PKP3: variants seen among roughly 807,000 people sequenced by gnomAD.
PKP3 encodes plakophilin-3.
In PKP3, 66 loss-of-function variants were observed where a neutral mutation model predicts 76.5. The observed-to-expected ratio is 0.86, with a 90% CI of 0.71 to 1.06. PKP3 has a LOEUF of 1.06. PKP3 is among the 50% of genes least tolerant of loss of function. The pLI is 0.00. For missense variants in PKP3, 1,338 were observed against 1,141.0 expected (o/e 1.17, Z -2.49); for synonymous variants, 638 against 516.5 (o/e 1.24, Z -3.19).
At chr11:396,783 C>A (rs1590352631) in intron 2 of PKP3, 31 bp from the exon 3 acceptor site, 4 of 1,566,760 alleles carry the variant, frequency 2.6e-6, no homozygotes, top group Non-Finnish European at 2.6e-6. Flanking sequence ...TGAGCCCAGG[C>A]ACGCCCTCAC....
chr11:394,265 C>T lies in PKP3; in HGVS notation c.-28C>T, dbSNP rs1847012838. On this transcript the variant is annotated 5_prime_UTR_variant, in exon 1 of 13. Transcript: ENST00000331563. The stretch of plus-strand genomic sequence containing the variant: ...GATAGTTGGGTTTGGAGGCGGCCGC[C>T]AGGCCCAGGCCCGGTGGACCTGCCG... The T allele has an allele frequency of 1.4e-6, 2 of 1,471,104 alleles. No individual in the cohort carries two copies. Among genetic ancestry groups the T allele is most frequent in the Non-Finnish European group, 1.8e-6 (2 of 1,117,836 alleles). The allele number at this position is 1,471,104 out of a possible 1,614,324, so 91.1% of individuals were successfully genotyped here.
At chr11:399,838 G>A in intron 5 of PKP3, 129 bp from the exon 6 acceptor site, 2 of 731,894 alleles carry the variant, frequency 2.7e-6, no homozygotes, top group Non-Finnish European at 4.5e-6. Flanking sequence ...TCTCCCCAGT[G>A]GGGCTCGTGG....
In PKP3 at chr11:400,697, C is replaced by G. The variant is rs975637822; in HGVS notation, c.1729C>G (p.Leu577Val). 22 of 1,268,156 alleles carry G rather than the reference C, an allele frequency of 1.7e-5. No individual in the cohort carries two copies. In the African/African-American group the frequency reaches 3.5e-4, roughly 20 times the overall value. 78.6% of individuals were successfully genotyped at this position (1,268,156 alleles called of 1,614,324 possible). A position where few individuals can be genotyped will look rare whatever the true frequency, so the allele number is the denominator to read the frequency against. The stretch of plus-strand genomic sequence containing the variant: ...CTGCTTCACGCCGCAGAGCCGGCGG[C>G]TGCGCGAGGTGGGCACCAGCCTGAG... ...VGCFTPQSRRLRELPLAADAL... is the reference protein window; with the variant it reads ...VGCFTPQSRRVRELPLAADAL... The change falls in exon 8 of 13, where the codon CTG becomes GTG. Residue 577 changes from leucine to valine, a missense_variant. Transcript: ENST00000331563.
At chr11:397,775 G>A (rs1324068556) in intron 4 of PKP3, 113 bp downstream of exon 4, 3 of 1,070,442 alleles carry the variant, frequency 2.8e-6, no homozygotes, top group Non-Finnish European at 4.0e-6. Flanking sequence ...AAGCTGACTG[G>A]GTAGACCCCA....
At position 404,037 on chromosome 11, in the gene PKP3, GCTCAACAAC is replaced by G; in HGVS notation, c.2175_2183del (p.Asn726_Leu728del). On this transcript the variant is annotated inframe_deletion, in exon 11 of 13. Transcript: ENST00000331563. The surrounding 1 kb of genome is among the most constrained non-coding windows in gnomAD (Gnocchi z 4.2). The stretch of plus-strand genomic sequence containing the variant: ...AGGTGCTGGTCAACATCATAGCTGT[GCTCAACAAC>G]CTGGTGGTGGCCAGCCCCATCGCTG... 6.2e-7 allele frequency: 1 copy of G among 1,612,586 alleles called. No individual in the cohort carries two copies.
rs545630545 is a variant in PKP3, at chr11:397,150, C to T, written c.649C>T (p.Arg217Cys). Residue 217 changes from arginine to cysteine, a missense_variant, in exon 3 of 13, where the codon CGC becomes TGC. Physicochemically the swap from Arg to Cys is radical, Grantham distance 180. Coordinates refer to ENST00000331563, the MANE Select transcript of PKP3 (RefSeq NM_007183.4). ...CACCTACAGGGCCTTTGCGTACGAGCGCCAGGCCAGCTCCAGCTCCAGCCG... is the reference window on the plus strand; with the variant it reads ...CACCTACAGGGCCTTTGCGTACGAGTGCCAGGCCAGCTCCAGCTCCAGCCG... Reference protein sequence around the residue: ...TSTYRAFAYERQASSSSSRAG... With the variant: ...TSTYRAFAYECQASSSSSRAG... 312 of 1,597,876 alleles carry T rather than the reference C, an allele frequency of 2.0e-4. 2 individuals carry two copies. The South Asian group carries it at 2.9e-3, about 15-fold the overall frequency.
chr11:395,380 A>G (rs1446033712), intron 1 of PKP3, among the ~76,000 whole-genome samples: 1 of 152,146 alleles, frequency 6.6e-6, no homozygotes, highest in Non-Finnish European at 1.5e-5. Context: ...GCCAGGGGGA[A>G]GTGAAGGTCG....
intron 9 of PKP3, 40 bp from the exon 10 acceptor site, chr11:403,578 G>C (rs1847195182): frequency 6.3e-7 from 1 of 1,590,190 alleles, no homozygotes; most frequent in Non-Finnish European, 8.5e-7. Context: ...GTGAGGGTCT[G>C]AGGCCTCCGG....
In PKP3 at chr11:397,306, G is replaced by C. The variant is rs751794832; in HGVS notation, c.805G>C (p.Gly269Arg). Residue 269 changes from glycine (G) to arginine (R), a missense_variant, in exon 3 of 13, where the codon GGG becomes CGG. Coordinates refer to ENST00000331563, the MANE Select transcript of PKP3 (RefSeq NM_007183.4). ...CCGCGGGGTAGGCGGGGCAGTGCCG[G>C]GGGCCGTCCTGGAGCCAGTGGCTCG... The part of the protein sequence containing the change: ...RSRGVGGAVP[G>R]AVLEPVARAP... The C allele has an allele frequency of 6.3e-7, 1 of 1,591,424 alleles. No homozygotes were observed. The highest frequency in any genetic ancestry group is 1.3e-5 in the African/African-American group (1 of 74,624).
In PKP3 at chr11:397,054, C is replaced by G. The variant is rs151265573; in HGVS notation, c.553C>G (p.Arg185Gly). ...TGACACACTCTCCCTGCGCTCGCTG[C>G]GGCTGGGGCCCGGGGGCCTGGACGA... ...DYDTLSLRSL[R>G]LGPGGLDDRY... The change falls in exon 3 of 13, where the codon CGG becomes GGG. Residue 185 changes from arginine (R) to glycine (G), a missense_variant. Coordinates refer to ENST00000331563, the MANE Select transcript of PKP3 (RefSeq NM_007183.4). The G allele has an allele frequency of 6.3e-7, 1 of 1,599,160 alleles. No homozygotes were observed. The highest frequency in any genetic ancestry group is 1.1e-5 in the South Asian group (1 of 91,050).
Position 399,007 on chromosome 11 carries a change from G to A in PKP3, c.1084G>A (p.Ala362Thr), listed in dbSNP as rs1466514391. Residue 362 changes from alanine (A) to threonine (T), a missense_variant, in exon 5 of 13, where the codon GCC (alanine) becomes ACC (threonine). By Grantham distance (58) the Ala-to-Thr change is moderately conservative. Transcript: ENST00000331563. ...GTGCCCGCAGGCCCGCAGCCTTCAG[G>A]CCGTGCCTAGGCTGGTGAAGCTCTT... ...AAKKQARSLQAVPRLVKLFNH... is the reference protein window; with the variant it reads ...AAKKQARSLQTVPRLVKLFNH... 1 of 1,588,136 alleles carries A rather than the reference G, an allele frequency of 6.3e-7. No homozygotes were observed. Among genetic ancestry groups the A allele is most frequent in the South Asian group, 1.1e-5 (1 of 88,320 alleles).
Position 397,111 on chromosome 11 carries a change from C to A in PKP3, c.610C>A (p.Pro204Thr), listed in dbSNP as rs1197481920. The change falls in exon 3 of 13, where the codon CCC becomes ACC. Residue 204 changes from proline (P) to threonine (T), a missense_variant. By Grantham distance (38) the Pro-to-Thr change is conservative. Transcript: ENST00000331563. Reference protein sequence around the residue: ...RYSLVSEQLEPAATSTYRAFA... With the variant: ...RYSLVSEQLETAATSTYRAFA... ...CAGCCTGGTGTCTGAGCAGCTGGAG[C>A]CCGCGGCCACCTCCACCTACAGGGC... The A allele has an allele frequency of 1.9e-6, 3 of 1,597,828 alleles. No homozygotes were observed. The highest frequency in any genetic ancestry group is 2.5e-6 in the Non-Finnish European group (3 of 1,179,216).
rs142922289 is a variant in PKP3, at chr11:403,707, G to A, written c.2013G>A (p.Gln671=). ...GTGTCAGGACCGCCGACCACCACCA[G>A]CTGCGCTCACTGACTGGCCTCATCC... ...LDRVRTADHH[Q]LRSLTGLIRN... is the part of the protein sequence containing the mutation. Residue 671 remains glutamine (Q), a synonymous_variant, in exon 10 of 13, where the codon CAG becomes CAA. Coordinates refer to ENST00000331563, the MANE Select transcript of PKP3 (RefSeq NM_007183.4). 2.5e-6 allele frequency: 4 copies of A among 1,610,274 alleles called. No individual in the cohort carries two copies. In the African/African-American group the frequency reaches 4.0e-5, roughly 16 times the overall value.
upstream of PKP3, among the ~76,000 whole-genome samples, chr11:393,215 G>A (rs956384243): frequency 6.6e-6 from 1 of 151,622 alleles, no homozygotes. Context: ...TTGGTCCAGG[G>A]CCCCCCCACC....
chr11:400,745 G>C, intron 8 of PKP3, 40 bp downstream of exon 8: 1 of 1,140,948 alleles, frequency 8.8e-7, no homozygotes, highest in Non-Finnish European at 1.1e-6. Flanking sequence ...TGGGTGCTGC[G>C]ACCCCGGCCC....
chr11:396,924 C>A lies in PKP3; in HGVS notation c.423C>A (p.Ser141Arg). 1.3e-6 allele frequency: 2 copies of A among 1,594,862 alleles called. No homozygotes were observed. The highest frequency in any genetic ancestry group is 1.7e-6 in the Non-Finnish European group (2 of 1,174,506). ...RRLSSAHNGGSAFGAAGYGGA... is the reference protein window; with the variant it reads ...RRLSSAHNGGRAFGAAGYGGA... The stretch of plus-strand genomic sequence containing the variant: ...TGAGTTCAGCCCACAACGGGGGCAG[C>A]GCCTTTGGGGCCGCTGGGTACGGGG... The change falls in exon 3 of 13, where the codon AGC becomes AGA. Residue 141 changes from serine to arginine, a missense_variant. Ser to Arg is a moderately radical substitution (Grantham distance 110). Transcript: ENST00000331563.
At chr11:403,485 G>A (rs1564882773) in intron 9 of PKP3, 133 bp from the exon 10 acceptor site, 7 of 933,254 alleles carry the variant, frequency 7.5e-6, no homozygotes, top group African/African-American at 1.6e-5. Context: ...ATTCCCCCCG[G>A]CTGGGGGGCA....
chr11:394,844 C>A (rs1847025002), intron 1 of PKP3, among the ~76,000 whole-genome samples: 1 of 152,314 alleles, frequency 6.6e-6, no homozygotes, highest in East Asian at 1.9e-4. Context: ...TCGGCAAACC[C>A]GGAACACGCA....
chr11:400,635 G>T lies in PKP3; in HGVS notation c.1667G>T (p.Arg556Met). 7.2e-7 allele frequency: 1 copy of T among 1,385,484 alleles called. No homozygotes were observed. The highest frequency in any genetic ancestry group is 9.3e-7 in the Non-Finnish European group (1 of 1,078,122). 85.8% of individuals were successfully genotyped at this position (1,385,484 alleles called of 1,614,324 possible). Residue 556 changes from arginine to methionine, a missense_variant, in exon 8 of 13, where the codon AGG becomes ATG. Coordinates refer to ENST00000331563, the MANE Select transcript of PKP3 (RefSeq NM_007183.4). The stretch of plus-strand genomic sequence containing the variant: ...CAGCGGCTGGAGGGTCGCGGCCGCA[G>T]GGACCTGGCGGGGGCGCCGCCGGGA... ...ALQRLEGRGR[R>M]DLAGAPPGEV...
Sources: allele counts gnomAD v4.1 joint callset (sites outside exome capture counted in the v4.1 genomes callset), GRCh38; gene constraint gnomAD v4.1.1; non-coding constraint Gnocchi (gnomAD v3.1); transcripts MANE v1.5; gene names NCBI Gene and HGNC (gene_info 2026-07-23, HGNC 2026-07-21).